SRPK2: variants seen among roughly 807,000 people sequenced by gnomAD.
The protein encoded by SRPK2 is SFRS protein kinase 2.
SRPK2 carries 21 observed loss-of-function variants against 90.8 expected under a neutral mutation model. The ratio of observed to expected loss-of-function variants is 0.23; its 90% CI spans 0.16 to 0.33. The LOEUF (loss-of-function observed/expected upper bound fraction) is 0.33. SRPK2 is among the 10% of genes least tolerant of loss of function. The pLI, the probability that SRPK2 is intolerant of heterozygous loss-of-function variation, is 1.00. For missense variants in SRPK2, 620 were observed against 869.0 expected (o/e 0.71, Z 3.60); for synonymous variants, 288 against 311.1 (o/e 0.93, Z 0.78).
At position 105,168,085 on chromosome 7, in the gene SRPK2, A is replaced by T; in HGVS notation, c.349T>A (p.Phe117Ile). The T allele has an allele frequency of 6.2e-7, 1 of 1,611,488 alleles. No individual in the cohort carries two copies. Among genetic ancestry groups the T allele is most frequent in the African/African-American group, 1.3e-5 (1 of 75,002 alleles). The change falls in exon 5 of 16, where the codon TTT (phenylalanine) becomes ATT (isoleucine). Residue 117 changes from phenylalanine (F) to isoleucine (I), a missense_variant. By Grantham distance (21) the Phe-to-Ile change is conservative. This residue lies in a region of SRPK2 where 196 missense variants were observed against 339.2 expected (regional missense o/e 0.58). Transcript: ENST00000393651. ...WLCWDMQGKR[F>I]VAMKVVKSAQ... Reference sequence around the variant, plus strand: ...CTTTTTACAACTTTCATTGCAACAAATCTTTTCCCCCTAAAAGAAAAAACA... The same window carrying T: ...CTTTTTACAACTTTCATTGCAACAATTCTTTTCCCCCTAAAAGAAAAAACA...
intron 2 of SRPK2, among the ~76,000 whole-genome samples, chr7:105,358,634 C>T (rs796702307): frequency 7.9e-5 from 12 of 151,914 alleles, no homozygotes; most frequent in African/African-American, 2.4e-4. Flanking sequence ...TGCAGTAGGA[C>T]GAGGTCATGC....
chr7:105,342,802 C>CA (rs1308545946), intron 2 of SRPK2, among the ~76,000 whole-genome samples: 2 of 151,788 alleles, frequency 1.3e-5, no homozygotes, highest in African/African-American at 4.8e-5. Flanking sequence ...TAGGGAAAAA[C>CA]AGATAAGCTT....
intron 2 of SRPK2, among the ~76,000 whole-genome samples, chr7:105,270,600 G>T (rs1342488079): frequency 6.6e-6 from 1 of 151,900 alleles, no homozygotes; most frequent in Non-Finnish European, 1.5e-5. Context: ...GTAGAGACAG[G>T]GTTTCACCAT....
chr7:105,209,376 C>A (rs1796586428), intron 2 of SRPK2, among the ~76,000 whole-genome samples: 1 of 152,046 alleles, frequency 6.6e-6, no homozygotes, highest in Admixed American at 6.6e-5. Flanking sequence ...CCTGGCAATA[C>A]CCACAAAAAC....
In SRPK2 at chr7:105,287,276, A is replaced by G. The variant is rs1322794561; in HGVS notation, c.72-83491T>C. On this transcript the variant is annotated intron_variant, in intron 2 of 15. Coordinates refer to ENST00000393651, the MANE Select transcript of SRPK2 (RefSeq NM_182692.3). ...ACTCCGTCTAAAAAAAAAAAAAAAA[A>G]AAAAAAAAGAAGAAAAGGATGCAGA... Among the ~76,000 whole-genome samples the G allele has an allele frequency of 1.0e-4, 14 of 136,692 alleles. 1 individual carries two copies. The highest frequency in any genetic ancestry group is 9.0e-4 in the Admixed American group (12 of 13,284). The allele number at this position is 136,692 out of a possible 152,430, so 89.7% of individuals were successfully genotyped here. A position where few individuals can be genotyped will look rare whatever the true frequency, so the allele number is the denominator to read the frequency against.
At chr7:105,284,597 C>T (rs576668706) in intron 2 of SRPK2, among the ~76,000 whole-genome samples, 1 of 152,264 alleles carries the variant, frequency 6.6e-6, no homozygotes, top group African/African-American at 2.4e-5. Flanking sequence ...CTTCATGGAG[C>T]TATTTATAAG....
rs142636372 is a variant in SRPK2, at chr7:105,381,905, C to T, written c.71+6743G>A. Among the ~76,000 whole-genome samples the T allele has an allele frequency of 3.3e-3, 495 of 151,030 alleles. 3 individuals carry two copies. Among genetic ancestry groups the T allele is most frequent in the East Asian group, 0.026 (129 of 5,030 alleles). On this transcript the variant is annotated intron_variant, in intron 2 of 15. Transcript: ENST00000393651. The stretch of plus-strand genomic sequence containing the variant: ...TCACCAAGCTGGGCACGGTGGCTCA[C>T]GCCTGTAATCCCAACACTTTGGGAG...
rs1435489551 is a variant in SRPK2, at chr7:105,388,666, C to G, written c.53G>C (p.Arg18Thr). Reference sequence around the variant, plus strand: ...GACTCACTTTTTCGGATGTTTCTCTCTTTTCGGCCTCCGCTTTCGGGCCTG... The same window carrying G: ...GACTCACTTTTTCGGATGTTTCTCTGTTTTCGGCCTCCGCTTTCGGGCCTG... The part of the protein sequence containing the change: ...AIQARKRRPK[R>T]EKHPKKPEPQ... The change falls in exon 2 of 16, where the codon AGA (arginine) becomes ACA (threonine). Residue 18 changes from arginine (R) to threonine (T), a missense_variant. Arg to Thr is a moderately conservative substitution (Grantham distance 71, BLOSUM62 -1). Transcript: ENST00000393651. 4 of 1,589,486 alleles carry G rather than the reference C, an allele frequency of 2.5e-6. No individual in the cohort carries two copies. The South Asian group carries it at 4.5e-5, about 18-fold the overall frequency.
Position 105,296,920 on chromosome 7 carries a change from G to C in SRPK2, c.71+91728C>G, listed in dbSNP as rs191396549. Among the ~76,000 whole-genome samples the C allele has an allele frequency of 2.0e-3, 300 of 152,306 alleles. 3 individuals carry two copies. The highest frequency in any genetic ancestry group is 7.0e-3 in the African/African-American group (289 of 41,564). On this transcript the variant is annotated intron_variant, in intron 2 of 15. Transcript: ENST00000393651. The stretch of plus-strand genomic sequence containing the variant: ...GGTCATACAGCTAGCAAATGGTAAA[G>C]CTGGAAAACAAATCCAGGCACTCCA...
intron 7 of SRPK2, among the ~76,000 whole-genome samples, chr7:105,152,073 A>G (rs1805770819): frequency 1.3e-5 from 2 of 151,874 alleles, no homozygotes; most frequent in Non-Finnish European, 2.9e-5. Context: ...TCCATTTCTA[A>G]TATAAAAGGA....
intron 2 of SRPK2, among the ~76,000 whole-genome samples, chr7:105,319,354 G>A (rs528104180): frequency 1.3e-5 from 2 of 152,122 alleles, no homozygotes; most frequent in African/African-American, 4.8e-5. Flanking sequence ...TTATGGTTTT[G>A]TGAATTTTTT....
intron 2 of SRPK2, among the ~76,000 whole-genome samples, chr7:105,342,279 G>A (rs925373916): frequency 9.9e-5 from 15 of 151,404 alleles, no homozygotes; most frequent in African/African-American, 3.1e-4. Flanking sequence ...AGCCGAGATC[G>A]CACCACTGCA....
At chr7:105,295,749 T>C (rs537432462) in intron 2 of SRPK2, among the ~76,000 whole-genome samples, 5 of 152,324 alleles carry the variant, frequency 3.3e-5, no homozygotes, top group African/African-American at 1.2e-4. Context: ...ACTTCAAAAA[T>C]GTGGTTAAGA....
At chr7:105,262,168 T>A (rs1398928818) in intron 2 of SRPK2, among the ~76,000 whole-genome samples, 3 of 152,180 alleles carry the variant, frequency 2.0e-5, no homozygotes, top group Non-Finnish European at 4.4e-5. Context: ...TCAAAATTGA[T>A]TACAAAATAA....
chr7:105,165,872 G>A (rs780540424), intron 6 of SRPK2, among the ~76,000 whole-genome samples: 3 of 152,156 alleles, frequency 2.0e-5, no homozygotes, highest in Non-Finnish European at 4.4e-5. Context: ...AACTTTAAGA[G>A]CTGTAACACT....
chr7:105,349,202 A>C (rs1816853100), intron 2 of SRPK2, among the ~76,000 whole-genome samples: 1 of 150,194 alleles, frequency 6.7e-6, no homozygotes, highest in African/African-American at 2.5e-5. Context: ...GGGGAGGAAG[A>C]AATCAGAGCT....
chr7:105,248,063 G>A (rs529657076), intron 2 of SRPK2, among the ~76,000 whole-genome samples: 1 of 152,224 alleles, frequency 6.6e-6, no homozygotes, highest in African/African-American at 2.4e-5. Context: ...ATGCTGGTCA[G>A]GCTGGTCTCG....
intron 2 of SRPK2, among the ~76,000 whole-genome samples, chr7:105,324,658 G>A (rs186258852): frequency 1.3e-4 from 20 of 152,262 alleles, no homozygotes; most frequent in Non-Finnish European, 2.5e-4. Context: ...AGTCCGAGGC[G>A]GGTGGATCAC....
At chr7:105,162,711 G>A (rs1288568008) in intron 6 of SRPK2, among the ~76,000 whole-genome samples, 1 of 152,122 alleles carries the variant, frequency 6.6e-6, no homozygotes, top group African/African-American at 2.4e-5. Flanking sequence ...ATTATTTAAG[G>A]ACTACATTTA....
Sources: allele counts gnomAD v4.1 joint callset (sites outside exome capture counted in the v4.1 genomes callset), GRCh38; gene constraint gnomAD v4.1.1; regional missense constraint gnomAD v4.1.1; transcripts MANE v1.5; gene names NCBI Gene and HGNC (gene_info 2026-07-23, HGNC 2026-07-21).